FIP1L1: variants seen among roughly 807,000 people sequenced by gnomAD.
The protein encoded by FIP1L1 is pre-mRNA 3'-end-processing factor FIP1.
A neutral mutation model predicts 84.6 loss-of-function variants in FIP1L1; 21 were observed. The observed-to-expected ratio is 0.25, with a 90% CI of 0.18 to 0.36. The LOEUF is 0.36. Among genes scored for constraint, FIP1L1 ranks in the 10% least tolerant of loss-of-function variants. The probability of loss-of-function intolerance (pLI) is 1.00; values close to 1 mark genes in which losing one functional copy is unlikely to be tolerated. For synonymous variants in FIP1L1, 263 were observed against 242.3 expected, an observed-to-expected ratio of 1.09 and a Z score of -0.80; for missense variants, 526 against 751.1, an observed-to-expected ratio of 0.70 and a Z score of 3.50.
At chr4:53,414,874 C>T in intron 11 of FIP1L1, 152 bp downstream of exon 11, 1 of 520,488 alleles carries the variant, frequency 1.9e-6, no homozygotes, top group African/African-American at 1.9e-5. Context: ...TTTTAGTTAC[C>T]TTATAAATCA....
chr4:53,410,287 CCTTTCTG>C (rs1394850318), intron 10 of FIP1L1, among the ~76,000 whole-genome samples: 1 of 152,192 alleles, frequency 6.6e-6, no homozygotes, highest in Admixed American at 6.5e-5. Flanking sequence ...AGCTTTTTCA[CCTTTCTG>C]ATTTGCTTCA....
chr4:53,436,564 A>G (rs1274786800), intron 13 of FIP1L1, among the ~76,000 whole-genome samples: 1 of 152,142 alleles, frequency 6.6e-6, no homozygotes, highest in African/African-American at 2.4e-5. Flanking sequence ...TGTGGTAGAA[A>G]TAAGTCACAA....
At chr4:53,400,914 A>G (rs1327219006) in intron 10 of FIP1L1, among the ~76,000 whole-genome samples, 1 of 152,208 alleles carries the variant, frequency 6.6e-6, no homozygotes, top group Non-Finnish European at 1.5e-5. Flanking sequence ...TACATTTTTT[A>G]AGAGGTTAAC....
intron 9 of FIP1L1, among the ~76,000 whole-genome samples, chr4:53,393,093 A>C (rs1745170549): frequency 6.6e-6 from 1 of 152,186 alleles, no homozygotes; most frequent in Admixed American, 6.5e-5. Flanking sequence ...TAACCTGCAA[A>C]CATTTGTGTA....
chr4:53,421,581 C>A (rs1351220478), intron 11 of FIP1L1, among the ~76,000 whole-genome samples: 1 of 152,180 alleles, frequency 6.6e-6, no homozygotes, highest in Non-Finnish European at 1.5e-5. Context: ...ATAACAAGTG[C>A]ATCTCTTTTC....
chr4:53,435,037 C>T (rs1407225128), intron 13 of FIP1L1, among the ~76,000 whole-genome samples: 3 of 152,160 alleles, frequency 2.0e-5, no homozygotes, highest in African/African-American at 7.2e-5. Flanking sequence ...TTAACTGGCA[C>T]TGTTTGCCAG....
intron 10 of FIP1L1, among the ~76,000 whole-genome samples, chr4:53,413,824 C>T (rs531475831): frequency 1.1e-4 from 16 of 152,182 alleles, no homozygotes; most frequent in African/African-American, 3.9e-4. Flanking sequence ...ATATGTAAAA[C>T]ATCTAACAGT....
chr4:53,403,021 G>A (rs991893374), intron 10 of FIP1L1, among the ~76,000 whole-genome samples: 27 of 152,156 alleles, frequency 1.8e-4, no homozygotes, highest in African/African-American at 5.3e-4. Flanking sequence ...TGAGAGTGAG[G>A]CTGTTGGAAA....
Position 53,428,106 on chromosome 4 carries a change from C to T in FIP1L1, c.1097C>T (p.Pro366Leu), listed in dbSNP as rs766543981. 14 of 1,610,648 alleles carry T rather than the reference C, an allele frequency of 8.7e-6. No individual in the cohort carries two copies. Among genetic ancestry groups the T allele is most frequent in the Non-Finnish European group, 1.2e-5 (14 of 1,177,534 alleles). Residue 366 changes from proline (P) to leucine (L), a missense_variant, in exon 13 of 18, where the codon CCC becomes CTC. Physicochemically the swap from Pro to Leu is moderately conservative, Grantham distance 98 (BLOSUM62 -3). Around this residue, in one of 6 missense-constraint regions of FIP1L1, gnomAD observed 80 missense variants for 151.1 expected, o/e 0.53. Coordinates refer to ENST00000337488, the MANE Select transcript of FIP1L1 (RefSeq NM_030917.4). ...PPPFFPPGAPPTHLPPPPFLP... is the reference protein window; with the variant it reads ...PPPFFPPGAPLTHLPPPPFLP... ...CCGTTTTTCCCTCCAGGAGCTCCTC[C>T]CACTCACCTTCCACCTCCTCCATTT...
chr4:53,445,417 C>T (rs1773773897), intron 15 of FIP1L1, among the ~76,000 whole-genome samples: 1 of 152,066 alleles, frequency 6.6e-6, no homozygotes, highest in African/African-American at 2.4e-5. Flanking sequence ...TATTAAAAGG[C>T]ACATTAACAA....
chr4:53,391,160 A>G (rs770133232), intron 8 of FIP1L1, 21 bp downstream of exon 8: 1 of 1,591,394 alleles, frequency 6.3e-7, no homozygotes, highest in East Asian at 2.2e-5. Flanking sequence ...AATACTCCGG[A>G]ATACCCTTGG....
intron 16 of FIP1L1, 130 bp from the exon 17 acceptor site, chr4:53,458,523 C>A: frequency 1.3e-6 from 1 of 767,882 alleles, no homozygotes; most frequent in Non-Finnish European, 2.0e-6. Context: ...ATTTCTTCCT[C>A]ACTAATGTTA....
At chr4:53,437,899 G>A (rs1265343460) in intron 13 of FIP1L1, among the ~76,000 whole-genome samples, 1 of 151,706 alleles carries the variant, frequency 6.6e-6, no homozygotes, top group Non-Finnish European at 1.5e-5. Context: ...CTAATTTTTT[G>A]TATTTTTAGT....
intron 13 of FIP1L1, among the ~76,000 whole-genome samples, chr4:53,431,222 G>A (rs1766509559): frequency 6.6e-6 from 1 of 152,172 alleles, no homozygotes; most frequent in Admixed American, 6.5e-5. Context: ...ATAGATATAT[G>A]CCAGCTGCCA....
Position 53,389,152 on chromosome 4 carries a change from C to T in FIP1L1, c.333-657C>T, listed in dbSNP as rs373767925. Reference sequence around the variant, plus strand: ...AACACTGTTCTGCTTTCATGCTAGACTTATTTTTGAATTTCTTGTCAATAA... The same window carrying T: ...AACACTGTTCTGCTTTCATGCTAGATTTATTTTTGAATTTCTTGTCAATAA... On this transcript the variant is annotated intron_variant, in intron 5 of 17. Transcript: ENST00000337488. Among the ~76,000 whole-genome samples, 86 of 152,250 alleles carry T rather than the reference C, an allele frequency of 5.6e-4. No individual in the cohort carries two copies. The South Asian group carries it at 0.017, about 30-fold the overall frequency.
intron 13 of FIP1L1, among the ~76,000 whole-genome samples, chr4:53,439,021 T>A (rs540528930): frequency 4.5e-4 from 69 of 152,266 alleles, no homozygotes; most frequent in African/African-American, 1.6e-3. Context: ...ATCTTATAAA[T>A]CTACGAAAAT....
chr4:53,417,559 T>G (rs1313041935), intron 11 of FIP1L1, among the ~76,000 whole-genome samples: 1 of 146,448 alleles, frequency 6.8e-6, no homozygotes. Flanking sequence ...GGAGAATGGC[T>G]TGAACCCGGG....
intron 13 of FIP1L1, among the ~76,000 whole-genome samples, chr4:53,437,119 G>A (rs1488163579): frequency 6.6e-6 from 1 of 151,962 alleles, no homozygotes; most frequent in South Asian, 2.1e-4. Flanking sequence ...TTGAGCCCAG[G>A]AGTTTGAGAC....
intron 11 of FIP1L1, 89 bp downstream of exon 11, chr4:53,414,811 G>A: frequency 1.2e-6 from 1 of 867,470 alleles, no homozygotes; most frequent in Non-Finnish European, 1.8e-6. Flanking sequence ...AATTTTGACT[G>A]TACCATATTT....
Sources: allele counts gnomAD v4.1 joint callset (sites outside exome capture counted in the v4.1 genomes callset), GRCh38; gene constraint gnomAD v4.1.1; regional missense constraint gnomAD v4.1.1; transcripts MANE v1.5; gene names NCBI Gene and HGNC (gene_info 2026-07-23, HGNC 2026-07-21).